FGF2: variants seen among roughly 807,000 people sequenced by gnomAD.
FGF2 encodes the protein fibroblast growth factor 2, also known as basic fibroblast growth factor bFGF.
Under a neutral mutation model 15.9 loss-of-function variants are expected in FGF2, and 13 were observed. The ratio of observed to expected loss-of-function variants is 0.82; its 90% confidence interval spans 0.53 to 1.30. The LOEUF is 1.30. FGF2 is among the 50% of genes most tolerant of loss of function. FGF2 has a pLI of 0.00. For synonymous variants in FGF2, 90 were observed against 78.4 expected, an observed-to-expected ratio of 1.15 and a Z score of -0.78; for missense variants, 163 against 196.9, an observed-to-expected ratio of 0.83 and a Z score of 1.03.
chr4:122,833,723 G>C (rs308407), intron 1 of FGF2, among the ~76,000 whole-genome samples: 40,332 of 152,050 alleles, frequency 0.27, 7,696 homozygotes, highest in African/African-American at 0.54. Flanking sequence ...TACTCATGAG[G>C]CATATGCTGT....
intron 1 of FGF2, among the ~76,000 whole-genome samples, chr4:122,833,592 A>G (rs1219691576): frequency 6.6e-6 from 1 of 152,164 alleles, no homozygotes; most frequent in East Asian, 1.9e-4. Flanking sequence ...TTAAGGTAGG[A>G]ACCATGACTT....
In FGF2 at chr4:122,893,228, A is replaced by G. The variant is rs1472430319; in HGVS notation, c.*832A>G. On this transcript the variant is annotated 3_prime_UTR_variant, in exon 3 of 3. Transcript: ENST00000644866. ...AACTTCTCGAACCGCTGTGTCTCCTACGTAAAAAAAGAGATGTACAAATCA... is the reference window on the plus strand; with the variant it reads ...AACTTCTCGAACCGCTGTGTCTCCTGCGTAAAAAAAGAGATGTACAAATCA... 3 of 1,587,432 alleles carry G rather than the reference A, an allele frequency of 1.9e-6. No individual in the cohort carries two copies. The highest frequency in any genetic ancestry group is 2.6e-6 in the Non-Finnish European group (3 of 1,167,042).
chr4:122,851,928 T>C (rs190528089), intron 1 of FGF2, among the ~76,000 whole-genome samples: 1 of 152,256 alleles, frequency 6.6e-6, no homozygotes, highest in Non-Finnish European at 1.5e-5. Flanking sequence ...ATAGGGATAC[T>C]AGCTGATAAT....
intron 1 of FGF2, among the ~76,000 whole-genome samples, chr4:122,860,716 C>T (rs45485994): frequency 0.051 from 7,750 of 152,196 alleles, 312 homozygotes; most frequent in Non-Finnish European, 0.075. Flanking sequence ...CTTGGCCTCC[C>T]GAAGTGCTAG....
chr4:122,832,669 G>A (rs1484761794), intron 1 of FGF2, among the ~76,000 whole-genome samples: 2 of 152,212 alleles, frequency 1.3e-5, no homozygotes, highest in African/African-American at 2.4e-5. Context: ...TACTTAATTT[G>A]TATATTGTCA....
chr4:122,832,349 T>A (rs1297306919), intron 1 of FGF2, among the ~76,000 whole-genome samples: 1 of 152,208 alleles, frequency 6.6e-6, no homozygotes, highest in Non-Finnish European at 1.5e-5. Flanking sequence ...CTCTCCTTCC[T>A]GGGTTCAAGC....
At chr4:122,877,556 T>C (rs17474021) in intron 2 of FGF2, among the ~76,000 whole-genome samples, 21,276 of 152,214 alleles carry the variant, frequency 0.14, 1,618 homozygotes, top group Middle Eastern at 0.22. Flanking sequence ...GTTGAACATA[T>C]GATGTATAAA....
intron 1 of FGF2, among the ~76,000 whole-genome samples, chr4:122,839,995 G>A (rs1047676383): frequency 6.6e-6 from 1 of 152,140 alleles, no homozygotes; most frequent in African/African-American, 2.4e-5. Context: ...TCTTTCCACT[G>A]TGCTTGTGTC....
chr4:122,853,875 C>T (rs1726284246), intron 1 of FGF2, among the ~76,000 whole-genome samples: 2 of 152,126 alleles, frequency 1.3e-5, no homozygotes, highest in South Asian at 2.1e-4. Context: ...AAAGAATGAA[C>T]GTTCTTATAT....
In FGF2 at chr4:122,826,915, C is replaced by T; in HGVS notation, c.-260C>T. 1 of 1,495,884 alleles carries T rather than the reference C, an allele frequency of 6.7e-7. No homozygotes were observed. Among genetic ancestry groups the T allele is most frequent in the Non-Finnish European group, 8.9e-7 (1 of 1,124,134 alleles). The allele number at this position is 1,495,884 out of a possible 1,614,324, so 92.7% of individuals were successfully genotyped here. On this transcript the variant is annotated 5_prime_UTR_variant, in exon 1 of 3. Transcript: ENST00000644866. ...GAGGCGGCTCTCCCCAGGCGGCGTC[C>T]GCGGAGACACCCATCCGTGAACCCC...
chr4:122,894,488 TG>T lies in FGF2; in HGVS notation c.*2095del, dbSNP rs1329406466. The T allele has an allele frequency of 6.6e-6, 1 of 151,892 alleles. No homozygotes were observed. Among genetic ancestry groups the T allele is most frequent in the Admixed American group, 6.6e-5 (1 of 15,216 alleles). The allele number at this position is 151,892 out of a possible 1,614,324, so 9.4% of individuals were successfully genotyped here. Reference sequence around the variant, plus strand: ...GTCTCAGATACTTGGGAGGCTGAGGTGGGAGGGTTGATCACTTGAGGCTGAG... The same window carrying T: ...GTCTCAGATACTTGGGAGGCTGAGGTGGAGGGTTGATCACTTGAGGCTGAG... On this transcript the variant is annotated 3_prime_UTR_variant, in exon 3 of 3. Transcript: ENST00000644866.
chr4:122,887,883 G>A (rs986289771), intron 2 of FGF2, among the ~76,000 whole-genome samples: 5 of 151,966 alleles, frequency 3.3e-5, no homozygotes, highest in African/African-American at 1.2e-4. Context: ...TTGTTTACTG[G>A]CATTATTGTA....
At chr4:122,829,372 G>A (rs947678836) in intron 1 of FGF2, among the ~76,000 whole-genome samples, 3 of 152,062 alleles carry the variant, frequency 2.0e-5, no homozygotes, top group South Asian at 2.1e-4. Flanking sequence ...GGTAGAGGCC[G>A]GGGATGCTGC....
Position 122,876,412 on chromosome 4 carries a change from AT to A in FGF2, c.272del (p.Leu91TyrfsTer37), listed in dbSNP as rs1726847161. On this transcript the variant is annotated frameshift_variant, in exon 2 of 3. Coordinates refer to ENST00000644866, the MANE Select transcript of FGF2 (RefSeq NM_001361665.2). LOFTEE classifies it high-confidence loss of function. ...ACCTGGCTATGAAGGAAGATGGAAG[AT>A]TACTGGCTTCTGTAAGCATACTTTC... ...RYLAMKEDGR[L>X]LASKCVTDEC... 6.2e-7 allele frequency: 1 copy of A among 1,604,952 alleles called. No individual in the cohort carries two copies. The highest frequency in any genetic ancestry group is 8.5e-7 in the Non-Finnish European group (1 of 1,171,850).
At chr4:122,844,614 CCTTT>C (rs1266103948) in intron 1 of FGF2, among the ~76,000 whole-genome samples, 47 of 138,822 alleles carry the variant, frequency 3.4e-4, no homozygotes, top group South Asian at 7.0e-4. Context: ...TTCCTTCCTT[CCTTT>C]CTTTCTTCCT....
chr4:122,892,764 A>T lies in FGF2; in HGVS notation c.*368A>T. 1 of 1,413,926 alleles carries T rather than the reference A, an allele frequency of 7.1e-7. No homozygotes were observed. Among genetic ancestry groups the T allele is most frequent in the South Asian group, 1.4e-5 (1 of 69,368 alleles). 87.6% of individuals were successfully genotyped at this position (1,413,926 alleles called of 1,614,324 possible). On this transcript the variant is annotated 3_prime_UTR_variant, in exon 3 of 3. Coordinates refer to ENST00000644866, the MANE Select transcript of FGF2 (RefSeq NM_001361665.2). ...TCACAGTCAGATGTTTAATCAATCC[A>T]AAATGTCCACTATTTCTTATGTCAT...
At chr4:122,844,592 TTCCTTC>T (rs1201611035) in intron 1 of FGF2, among the ~76,000 whole-genome samples, 7 of 126,508 alleles carry the variant, frequency 5.5e-5, no homozygotes, top group African/African-American at 8.1e-5. Context: ...TCTTTCTTCC[TTCCTTC>T]CTTCCTTCCT....
chr4:122,830,340 G>A (rs987713968), intron 1 of FGF2, among the ~76,000 whole-genome samples: 2 of 152,106 alleles, frequency 1.3e-5, no homozygotes, highest in Admixed American at 6.5e-5. Flanking sequence ...GTAGGAAAGA[G>A]AGGAAAATTT....
At chr4:122,876,487 ATTGTTGTTTATCAAATCTTT>A in intron 2 of FGF2, 63 bp downstream of exon 2, 4 of 977,462 alleles carry the variant, frequency 4.1e-6, no homozygotes, top group South Asian at 1.3e-5. Flanking sequence ...ATTTACCAGC[ATTGTTGTTTATCAAATCTTT>A]ATAAAGGATT....
Sources: allele counts gnomAD v4.1 joint callset (sites outside exome capture counted in the v4.1 genomes callset), GRCh38; gene constraint gnomAD v4.1.1; transcripts MANE v1.5; gene names NCBI Gene and HGNC (gene_info 2026-07-23, HGNC 2026-07-21).